Variants in MAU2 observed in about 807,000 individuals in gnomAD.
MAU2 encodes the protein MAU2 sister chromatid cohesion factor.
A neutral mutation model predicts 89.1 loss-of-function variants in MAU2; 9 were observed. The ratio of observed to expected loss-of-function variants is 0.10; its 90% CI spans 0.06 to 0.18. MAU2 has a LOEUF of 0.18. Among genes scored for constraint, MAU2 ranks in the 10% least tolerant of loss-of-function variants. The pLI, the probability that MAU2 is intolerant of heterozygous loss-of-function variation, is 1.00. For missense variants in MAU2, 425 were observed against 803.5 expected, an observed-to-expected ratio of 0.53 and a Z score of 5.69; for synonymous variants, 357 against 343.4, an observed-to-expected ratio of 1.04 and a Z score of -0.44.
At chr19:19,350,541 G>A (rs2061734278) in intron 16 of MAU2, among the ~76,000 whole-genome samples, 1 of 151,792 alleles carries the variant, frequency 6.6e-6, no homozygotes, top group Admixed American at 6.6e-5. Context: ...GAGGCAGAGA[G>A]GTTGCAGTAA....
At chr19:19,341,574 C>T (rs2146686960) in intron 7 of MAU2, among the ~76,000 whole-genome samples, 167 bp downstream of exon 7, 1 of 152,356 alleles carries the variant, frequency 6.6e-6, no homozygotes, top group Middle Eastern at 3.4e-3. Context: ...CCTGCTCTGC[C>T]ACGAGTGCTG....
chr19:19,354,337 G>C lies in MAU2; in HGVS notation c.1549-18G>C, dbSNP rs1024423103. 6.2e-7 allele frequency: 1 copy of C among 1,608,192 alleles called. No individual in the cohort carries two copies. Among genetic ancestry groups the C allele is most frequent in the African/African-American group, 1.3e-5 (1 of 74,950 alleles). On this transcript the variant is annotated intron_variant, in intron 16 of 18. Coordinates refer to ENST00000262815, the MANE Select transcript of MAU2 (RefSeq NM_015329.4). ...GGGTCCAGGCTCCTCACTCCCCCTT[G>C]CTGCTCTTGGTTGACAGGAGAGTAA...
At chr19:19,329,194 G>T in intron 1 of MAU2, 1 of 448,846 alleles carries the variant, frequency 2.2e-6, no homozygotes, top group Non-Finnish European at 4.5e-6. Flanking sequence ...GATCACAACT[G>T]TGTCCTGCTA....
Position 19,345,496 on chromosome 19 carries a change from T to G in MAU2, c.1221+127T>G, listed in dbSNP as rs1270524067. The G allele has an allele frequency of 3.5e-6, 3 of 869,232 alleles. No individual in the cohort carries two copies. Among genetic ancestry groups the G allele is most frequent in the Non-Finnish European group, 5.6e-6 (3 of 533,500 alleles). The allele number at this position is 869,232 out of a possible 1,614,324, so 53.8% of individuals were successfully genotyped here. ...TGCAAAGCCGCAGCCCCAGAGGCAA[T>G]GCACAGTAGTCAGCCCATGCCAGCC... On this transcript the variant is annotated intron_variant, in intron 12 of 18. Coordinates refer to ENST00000262815, the MANE Select transcript of MAU2 (RefSeq NM_015329.4). This position sits in a 1 kb window ranked among gnomAD's most constrained non-coding sequence, Gnocchi z 4.9.
rs1237550140 is a variant in MAU2, at chr19:19,349,185, T to C, written c.1389T>C (p.Tyr463=). ...ACTGCCTCCGAGCAGCCGCCTTCTA[T>C]GTGCGTGGGCTCTTCTCCTTCTTCC... ...SSHCLRAAAF[Y]VRGLFSFFQG... is the part of the protein sequence containing the mutation. Residue 463 remains tyrosine (Y), a synonymous_variant, in exon 15 of 19, where the codon TAT becomes TAC. Transcript: ENST00000262815. The C allele has an allele frequency of 1.2e-6, 2 of 1,614,158 alleles. No individual in the cohort carries two copies. The highest frequency in any genetic ancestry group is 1.3e-5 in the African/African-American group (1 of 75,054).
At position 19,342,552 on chromosome 19, in the gene MAU2, G is replaced by A. The variant is rs536296348; in HGVS notation, c.753G>A (p.Pro251=). The change falls in exon 8 of 19, where the codon CCG becomes CCA. Residue 251 remains proline, a synonymous_variant. Coordinates refer to ENST00000262815, the MANE Select transcript of MAU2 (RefSeq NM_015329.4). ...CTGCACAGGTGAAGAGCGTGAAGCC[G>A]TGTCTGAAGCAGCTGCAGCAGTGCA... is the stretch of plus-strand genomic sequence containing the variant. ...LDAGQVKSVK[P]CLKQLQQCIQ... 2.4e-5 allele frequency: 39 copies of A among 1,597,528 alleles called. 1 individual carries two copies. Among genetic ancestry groups the A allele is most frequent in the South Asian group, 1.7e-4 (15 of 88,048 alleles).
chr19:19,336,229 G>GT, intron 3 of MAU2, 42 bp downstream of exon 3: 1 of 1,412,580 alleles, frequency 7.1e-7, no homozygotes, highest in South Asian at 1.2e-5. Flanking sequence ...GTGTCTCTCC[G>GT]TGTCGCTAAG....
chr19:19,323,437 GC>G (rs2061480019), intron 1 of MAU2, among the ~76,000 whole-genome samples: 2 of 152,024 alleles, frequency 1.3e-5, no homozygotes, highest in Admixed American at 6.6e-5. Context: ...CAAGTGATCC[GC>G]CCATCTTGTC....
intron 1 of MAU2, among the ~76,000 whole-genome samples, chr19:19,327,595 G>A (rs1426002617): frequency 6.6e-6 from 1 of 152,116 alleles, no homozygotes; most frequent in African/African-American, 2.4e-5. Flanking sequence ...AAAGTGCTGG[G>A]ATTACAGGCG....
At chr19:19,331,692 A>C (rs2061556764) in intron 1 of MAU2, among the ~76,000 whole-genome samples, 1 of 151,990 alleles carries the variant, frequency 6.6e-6, no homozygotes, top group Admixed American at 6.6e-5. Context: ...ACCTGAGCCC[A>C]GGAGTTCAAG....
In MAU2 at chr19:19,344,867, C is replaced by A; in HGVS notation, c.1096C>A (p.Leu366Met). 1 of 1,613,750 alleles carries A rather than the reference C, an allele frequency of 6.2e-7. No homozygotes were observed. Among genetic ancestry groups the A allele is most frequent in the Non-Finnish European group, 8.5e-7 (1 of 1,179,956 alleles). Residue 366 changes from leucine (L) to methionine (M), a missense_variant, in exon 11 of 19, where the codon CTG (leucine) becomes ATG (methionine). Transcript: ENST00000262815. ...CCGGCAGATCTCCCAGGTCTGCCAGCTGTGCCAGCAGTCCCCCCGGCTCTT... is the reference window on the plus strand; with the variant it reads ...CCGGCAGATCTCCCAGGTCTGCCAGATGTGCCAGCAGTCCCCCCGGCTCTT... Reference protein sequence around the residue: ...ALQEISQVCQLCQQSPRLFSN... With the variant: ...ALQEISQVCQMCQQSPRLFSN...
intron 1 of MAU2, among the ~76,000 whole-genome samples, chr19:19,334,966 C>T (rs1008696642): frequency 6.6e-6 from 1 of 152,192 alleles, no homozygotes; most frequent in African/African-American, 2.4e-5. Flanking sequence ...GTGGCACATG[C>T]GAGTCGCTGG....
At chr19:19,327,592 T>G (rs2146657167) in intron 1 of MAU2, among the ~76,000 whole-genome samples, 1 of 152,242 alleles carries the variant, frequency 6.6e-6, no homozygotes, top group Middle Eastern at 3.4e-3. Context: ...GCCAAAGTGC[T>G]GGGATTACAG....
chr19:19,339,934 C>T (rs1719810099), intron 5 of MAU2, among the ~76,000 whole-genome samples: 1 of 151,708 alleles, frequency 6.6e-6, no homozygotes, highest in Admixed American at 6.6e-5. Flanking sequence ...TTTGGGAGGC[C>T]AAGGTGGGCA....
chr19:19,349,975 AT>A (rs34536394), intron 16 of MAU2, among the ~76,000 whole-genome samples: 2,064 of 111,206 alleles, frequency 0.019, 24 homozygotes, highest in African/African-American at 0.033. Flanking sequence ...GAGGTCTTGA[AT>A]TTTTTTTTTT....
chr19:19,341,058 A>G (rs922565910), intron 6 of MAU2, among the ~76,000 whole-genome samples, 185 bp downstream of exon 6: 1 of 152,186 alleles, frequency 6.6e-6, no homozygotes, highest in Non-Finnish European at 1.5e-5. Flanking sequence ...AGGGAAACTC[A>G]GGCTGCACCC....
intron 3 of MAU2, 112 bp from the exon 4 acceptor site, chr19:19,337,058 G>A (rs2061602566): frequency 2.7e-6 from 2 of 752,380 alleles, no homozygotes; most frequent in Non-Finnish European, 4.5e-6. Context: ...CCTTTGGTAA[G>A]CATGAACAGG....
At position 19,344,838 on chromosome 19, in the gene MAU2, T is replaced by C. The variant is rs1372113727; in HGVS notation, c.1078-11T>C. The C allele has an allele frequency of 6.2e-7, 1 of 1,612,418 alleles. No individual in the cohort carries two copies. The highest frequency in any genetic ancestry group is 8.5e-7 in the Non-Finnish European group (1 of 1,179,118). ...GCAGTCCTGTGATGGCAGTACACTC[T>C]CTCCCGGCAGATCTCCCAGGTCTGC... On this transcript the variant is annotated splice_polypyrimidine_tract_variant and intron_variant, in intron 10 of 18. Transcript: ENST00000262815.
chr19:19,335,647 C>A, intron 1 of MAU2, 71 bp from the exon 2 acceptor site: 1 of 1,531,258 alleles, frequency 6.5e-7, no homozygotes, highest in Non-Finnish European at 9.1e-7. Context: ...CTGTGGAAGC[C>A]CCAGAGCGAG....
Sources: gnomAD v4.1 joint callset for allele counts (sites outside exome capture counted in the v4.1 genomes callset) on GRCh38, gnomAD v4.1.1 for gene constraint, Gnocchi (gnomAD v3.1) non-coding constraint, MANE v1.5 for transcripts, NCBI Gene and HGNC (gene_info 2026-07-23, HGNC 2026-07-21) for gene names.